Variants in GOLM2 observed in about 807,000 individuals in gnomAD.
GOLM2 encodes golgi membrane protein 2, also known as protein GOLM2.
In GOLM2, 26 loss-of-function variants were observed where a neutral mutation model predicts 55.9. That is an observed-to-expected ratio of 0.47 (90% CI 0.34 to 0.65). The LOEUF (loss-of-function observed/expected upper bound fraction) is 0.65, where lower values mean the gene tolerates loss of function less well. Ranked by LOEUF, GOLM2 falls within the 30% of genes least tolerant of loss-of-function variation. GOLM2 has a pLI of 0.01. For synonymous variants in GOLM2, 165 were observed against 194.6 expected, an observed-to-expected ratio of 0.85 and a Z score of 1.27; for missense variants, 486 against 531.8, an observed-to-expected ratio of 0.91 and a Z score of 0.85.
Position 44,340,254 on chromosome 15 carries a change from T to G in GOLM2, c.802+1937T>G, listed in dbSNP as rs151051542. Among the ~76,000 whole-genome samples, 607 of 151,784 alleles carry G rather than the reference T, an allele frequency of 4.0e-3. 6 individuals carry two copies. Among genetic ancestry groups the G allele is most frequent in the African/African-American group, 0.014 (573 of 41,370 alleles). ...GGTCACTGCACCCAGCCAAAAAATA[T>G]AGAGAGAGAGAGCCAAAAATTACAT... On this transcript the variant is annotated intron_variant, in intron 6 of 9. Coordinates refer to ENST00000299957, the MANE Select transcript of GOLM2 (RefSeq NM_138423.4).
rs1468268256 is a variant in GOLM2 at position 44,331,978 on chromosome 15, T to A, written c.486-10T>A. On this transcript the variant is annotated splice_polypyrimidine_tract_variant and intron_variant, in intron 3 of 9. Transcript: ENST00000299957. The stretch of plus-strand genomic sequence containing the variant: ...ATAATATAATCTAAAAGAATGACTT[T>A]GTAATTTAGTTTTCAGTGTGGACAG... 6.4e-7 allele frequency: 1 copy of A among 1,565,734 alleles called. No homozygotes were observed. The highest frequency in any genetic ancestry group is 2.3e-5 in the East Asian group (1 of 44,238).
rs1408311141 is a variant in GOLM2, at chr15:44,328,690, C to G, written c.388C>G (p.Leu130Val). 1 of 1,612,126 alleles carries G rather than the reference C, an allele frequency of 6.2e-7. No individual in the cohort carries two copies. The highest frequency in any genetic ancestry group is 8.5e-7 in the Non-Finnish European group (1 of 1,179,238). ...MADIHHLKEQ[L>V]AELRQEFLRQ... is the part of the protein sequence containing the mutation. ...TTCTTACCTTGGGTGGATAGAGCAA[C>G]TTGCTGAGCTTCGTCAGGAATTTCT... Residue 130 changes from leucine (L) to valine (V), a missense_variant, in exon 3 of 10, where the codon CTT (leucine) becomes GTT (valine). By Grantham distance (32) the Leu-to-Val change is conservative. Transcript: ENST00000299957.
intron 2 of GOLM2, among the ~76,000 whole-genome samples, chr15:44,328,286 C>G (rs1454806489): frequency 6.6e-6 from 1 of 152,124 alleles, no homozygotes; most frequent in African/African-American, 2.4e-5. Flanking sequence ...TTGAGACCAG[C>G]CTGGGCAACA....
chr15:44,376,129 A>G (rs182982654), intron 6 of GOLM2, among the ~76,000 whole-genome samples: 96 of 152,290 alleles, frequency 6.3e-4, no homozygotes, highest in African/African-American at 2.3e-3. Context: ...GCTACTTGGG[A>G]CGGCTGAGGC....
At chr15:44,344,329 G>A (rs1299228523) in intron 6 of GOLM2, among the ~76,000 whole-genome samples, 1 of 149,406 alleles carries the variant, frequency 6.7e-6, no homozygotes, top group African/African-American at 2.5e-5. Flanking sequence ...AATAGTCAAG[G>A]GTTATAGAGC....
intron 8 of GOLM2, among the ~76,000 whole-genome samples, chr15:44,384,364 G>A (rs1303825268): frequency 2.6e-5 from 4 of 152,098 alleles, no homozygotes; most frequent in Non-Finnish European, 5.9e-5. Context: ...TGTAATCTCA[G>A]TACTTTGGAA....
intron 6 of GOLM2, among the ~76,000 whole-genome samples, chr15:44,361,055 T>C (rs1567035046): frequency 6.8e-6 from 1 of 148,088 alleles, no homozygotes; most frequent in Non-Finnish European, 1.5e-5. Flanking sequence ...TTCAAAGCAG[T>C]GTGTAGAGGG....
chr15:44,348,907 AG>A (rs2079142618), intron 6 of GOLM2: 1 of 152,456 alleles, frequency 6.6e-6, no homozygotes, highest in Non-Finnish European at 1.5e-5. Context: ...TCTCAAAAAA[AG>A]AAAAAAAAAA....
intron 6 of GOLM2, among the ~76,000 whole-genome samples, chr15:44,343,721 A>T (rs2079103724): frequency 6.6e-6 from 1 of 151,660 alleles, no homozygotes; most frequent in Admixed American, 6.6e-5. Flanking sequence ...GCTACTTGGG[A>T]GGCTGAGGCA....
At chr15:44,316,215 A>G (rs1209100670) in intron 1 of GOLM2, among the ~76,000 whole-genome samples, 1 of 152,186 alleles carries the variant, frequency 6.6e-6, no homozygotes, top group African/African-American at 2.4e-5. Context: ...GCATATTCCT[A>G]ATGACCACAA....
intron 6 of GOLM2, among the ~76,000 whole-genome samples, chr15:44,363,351 A>C (rs1178404689): frequency 9.2e-5 from 14 of 152,196 alleles, no homozygotes; most frequent in Non-Finnish European, 2.1e-4. Flanking sequence ...TTACAAGAAA[A>C]AAACAAACAA....
intron 1 of GOLM2, among the ~76,000 whole-genome samples, chr15:44,290,524 C>T (rs2078713066): frequency 6.6e-6 from 1 of 152,204 alleles, no homozygotes; most frequent in African/African-American, 2.4e-5. Flanking sequence ...TAACCCCCTC[C>T]TCTTCACCAT....
intron 1 of GOLM2, among the ~76,000 whole-genome samples, chr15:44,307,081 A>C (rs2078842420): frequency 6.6e-6 from 1 of 152,320 alleles, no homozygotes; most frequent in Non-Finnish European, 1.5e-5. Flanking sequence ...GTGCCAATAC[A>C]TTTGCTCGAT....
chr15:44,319,023 A>T (rs12591581), intron 1 of GOLM2, among the ~76,000 whole-genome samples: 4,487 of 152,164 alleles, frequency 0.029, 102 homozygotes, highest in East Asian at 0.1. Flanking sequence ...AGTCATCATC[A>T]TCATCTCCAG....
At chr15:44,402,845 TTC>T in intron 8 of GOLM2, 40 bp from the exon 9 acceptor site, 1 of 1,601,510 alleles carries the variant, frequency 6.2e-7, no homozygotes, top group Non-Finnish European at 8.5e-7. Flanking sequence ...CCTTCTTTTC[TTC>T]TCTCTTTACT....
intron 6 of GOLM2, among the ~76,000 whole-genome samples, chr15:44,368,366 G>A (rs866310725): frequency 6.8e-6 from 1 of 146,378 alleles, no homozygotes; most frequent in South Asian, 2.2e-4. Context: ...TGGTCAGGCT[G>A]GTCTTGAACT....
In GOLM2 at chr15:44,316,652, G is replaced by A. The variant is rs149909065; in HGVS notation, c.328-6313G>A. ...CGCCTGTAATCCCAGCTGCCCAGGA[G>A]GCTGAGGCAGGAGAATGGCATGAAC... On this transcript the variant is annotated intron_variant, in intron 1 of 9. Coordinates refer to ENST00000299957, the MANE Select transcript of GOLM2 (RefSeq NM_138423.4). Among the ~76,000 whole-genome samples the A allele has an allele frequency of 7.8e-3, 1,188 of 152,158 alleles. 7 individuals are homozygous for A. Among genetic ancestry groups the A allele is most frequent in the Non-Finnish European group, 0.011 (721 of 67,990 alleles).
intron 6 of GOLM2, among the ~76,000 whole-genome samples, chr15:44,350,443 C>T (rs2079153834): frequency 6.6e-6 from 1 of 152,140 alleles, no homozygotes; most frequent in African/African-American, 2.4e-5. Flanking sequence ...AAAACTTGAA[C>T]AGACTGACAA....
At chr15:44,348,908 GA>G (rs918617174) in intron 6 of GOLM2, 50 of 142,824 alleles carry the variant, frequency 3.5e-4, no homozygotes, top group Admixed American at 7.0e-4. Flanking sequence ...CTCAAAAAAA[GA>G]AAAAAAAAAA....
Sources: gnomAD v4.1 joint callset for allele counts (sites outside exome capture counted in the v4.1 genomes callset) on GRCh38, gnomAD v4.1.1 for gene constraint, MANE v1.5 for transcripts, NCBI Gene and HGNC (gene_info 2026-07-23, HGNC 2026-07-21) for gene names.